The following DDX50 variants were observed in gnomAD, a reference collection of about 807,000 sequenced individuals.
DDX50 encodes DExD-box helicase 50.
In DDX50, 56 loss-of-function variants were observed where a neutral mutation model predicts 94.8. That is an observed-to-expected ratio of 0.59 (90% CI 0.48 to 0.74). The LOEUF (loss-of-function observed/expected upper bound fraction) is 0.74, where lower values mean the gene tolerates loss of function less well. Ranked by LOEUF, DDX50 falls within the 30% of genes least tolerant of loss-of-function variation. The pLI, the probability that DDX50 is intolerant of heterozygous loss-of-function variation, is 0.00. For synonymous variants in DDX50, 264 were observed against 295.4 expected, an observed-to-expected ratio of 0.89 and a Z score of 1.09; for missense variants, 713 against 881.2, an observed-to-expected ratio of 0.81 and a Z score of 2.42.
At position 68,918,428 on chromosome 10, in the gene DDX50, CTTTTTTTT is replaced by C. The variant is rs34777951; in HGVS notation, c.1090-1386_1090-1379del. Among the ~76,000 whole-genome samples the C allele has an allele frequency of 8.8e-5, 5 of 57,092 alleles. No homozygotes were observed. In the East Asian group the frequency reaches 1.7e-3, roughly 20 times the overall value. The allele number at this position is 57,092 out of a possible 152,430, so 37.5% of individuals were successfully genotyped here. On this transcript the variant is annotated intron_variant, in intron 7 of 14. Coordinates refer to ENST00000373585, the MANE Select transcript of DDX50 (RefSeq NM_024045.2). ...TTAAACAGTTACTCTCCATTCCCTC[CTTTTTTTT>C]TTTTTTTTTTTTTTTTTGAGACAGA...
intron 1 of DDX50, among the ~76,000 whole-genome samples, chr10:68,902,190 C>A (rs1418707852): frequency 5.3e-4 from 50 of 94,268 alleles, no homozygotes; most frequent in South Asian, 1.7e-3. Flanking sequence ...CCCTGCCCTC[C>A]AAAAAAAAAA....
chr10:68,901,564 G>A, intron 1 of DDX50, 93 bp downstream of exon 1: 2 of 1,345,456 alleles, frequency 1.5e-6, no homozygotes, highest in Non-Finnish European at 2.0e-6. Context: ...TGTCAGAACC[G>A]GGCCGGAGCA....
intron 4 of DDX50, among the ~76,000 whole-genome samples, chr10:68,912,319 C>T (rs929483209): frequency 1.3e-5 from 2 of 152,074 alleles, no homozygotes; most frequent in African/African-American, 4.8e-5. Context: ...TCAAGCAATT[C>T]TCTCTTCCTC....
Position 68,941,115 on chromosome 10 carries a change from C to G in DDX50, c.1811C>G (p.Ala604Gly). ...GAGGAAATACAGGATGTCAGCTGTG[C>G]TTGGAAAGAACTTAACAGAAAGCTG... ...SLEEIQDVSC[A>G]WKELNRKLSS... Residue 604 changes from alanine to glycine, a missense_variant, in exon 13 of 15, where the codon GCT (alanine) becomes GGT (glycine). Around this residue, in one of 2 missense-constraint regions of DDX50, gnomAD observed 428 missense variants for 602.3 expected, o/e 0.71. Coordinates refer to ENST00000373585, the MANE Select transcript of DDX50 (RefSeq NM_024045.2). 6.2e-7 allele frequency: 1 copy of G among 1,612,754 alleles called. No individual in the cohort carries two copies. The highest frequency in any genetic ancestry group is 1.1e-5 in the South Asian group (1 of 90,962).
At chr10:68,931,413 A>G (rs182308092) in intron 8 of DDX50, among the ~76,000 whole-genome samples, 5,928 of 85,354 alleles carry the variant, frequency 0.069, 673 homozygotes, top group African/African-American at 0.24. Context: ...ATATATATGT[A>G]TATATATATA....
intron 1 of DDX50, among the ~76,000 whole-genome samples, chr10:68,902,844 T>G (rs1221777028): frequency 6.6e-6 from 1 of 152,264 alleles, no homozygotes; most frequent in Non-Finnish European, 1.5e-5. Flanking sequence ...TCAGTGGCTA[T>G]CTTCATCATT....
intron 4 of DDX50, 67 bp from the exon 5 acceptor site, chr10:68,913,095 C>T: frequency 7.5e-7 from 1 of 1,331,954 alleles, no homozygotes; most frequent in Non-Finnish European, 1.0e-6. Context: ...TAAAAAAAGT[C>T]TTCTTGGTTT....
chr10:68,946,674 C>A lies in DDX50; in HGVS notation c.*44C>A. On this transcript the variant is annotated 3_prime_UTR_variant, in exon 15 of 15. Coordinates refer to ENST00000373585, the MANE Select transcript of DDX50 (RefSeq NM_024045.2). ...ACCAGTGTGAGCTTGCCTATTTCTG[C>A]CTAATCATGTACATTATCCACCAAA... is the stretch of plus-strand genomic sequence containing the variant. The A allele has an allele frequency of 1.9e-6, 3 of 1,581,690 alleles. No individual in the cohort carries two copies. Among genetic ancestry groups the A allele is most frequent in the Admixed American group, 1.7e-5 (1 of 58,380 alleles).
chr10:68,919,756 T>C lies in DDX50; in HGVS notation c.1090-76T>C, dbSNP rs117029940. 6,381 of 1,558,112 alleles carry C rather than the reference T, an allele frequency of 4.1e-3. 210 individuals are homozygous for C. The Admixed American group carries it at 0.081, about 20-fold the overall frequency. On this transcript the variant is annotated intron_variant, in intron 7 of 14. Coordinates refer to ENST00000373585, the MANE Select transcript of DDX50 (RefSeq NM_024045.2). ...CCAGGAAGGCTAATTCTTGACCAGA[T>C]AGAAAAAATACACAAGAGAAATATT...
rs777868279 is a variant in DDX50, at chr10:68,946,529, A to G, written c.2113A>G (p.Ser705Gly). The G allele has an allele frequency of 3.7e-6, 6 of 1,614,236 alleles. No individual in the cohort carries two copies. Among genetic ancestry groups the G allele is most frequent in the Non-Finnish European group, 5.1e-6 (6 of 1,180,040 alleles). ...GRSGGRSGRQ[S>G]RQGSRSGSRQ... is the part of the protein sequence containing the mutation. ...ATCTGGCGGCCGGTCAGGTAGACAG[A>G]GTCGACAAGGAAGTCGCTCAGGAAG... The change falls in exon 15 of 15, where the codon AGT (serine) becomes GGT (glycine). Residue 705 changes from serine (S) to glycine (G), a missense_variant. Ser to Gly is a moderately conservative substitution (Grantham distance 56, BLOSUM62 0). This residue lies in a region of DDX50 where 428 missense variants were observed against 602.3 expected (regional missense o/e 0.71). Coordinates refer to ENST00000373585, the MANE Select transcript of DDX50 (RefSeq NM_024045.2).
chr10:68,937,647 G>A (rs1050895586), intron 12 of DDX50, among the ~76,000 whole-genome samples: 237 of 138,334 alleles, frequency 1.7e-3, no homozygotes, highest in Admixed American at 4.7e-3. Flanking sequence ...GTGCAATTAC[G>A]TGATCTTGGT....
At chr10:68,938,339 A>C (rs1440957630) in intron 12 of DDX50, among the ~76,000 whole-genome samples, 2 of 152,208 alleles carry the variant, frequency 1.3e-5, no homozygotes, top group Non-Finnish European at 2.9e-5. Flanking sequence ...GATTCGTATC[A>C]CATGTCAAAA....
intron 1 of DDX50, among the ~76,000 whole-genome samples, chr10:68,906,492 A>G (rs1314359111): frequency 6.6e-6 from 1 of 151,730 alleles, no homozygotes; most frequent in African/African-American, 2.4e-5. Flanking sequence ...GAGAGGGGCT[A>G]GAGGCTGAGT....
intron 8 of DDX50, among the ~76,000 whole-genome samples, chr10:68,927,693 AT>A (rs1176811319): frequency 3.9e-5 from 6 of 152,232 alleles, no homozygotes; most frequent in African/African-American, 1.4e-4. Flanking sequence ...GCCCATGCCT[AT>A]TAGCCCAGCA....
chr10:68,934,459 C>T lies in DDX50; in HGVS notation c.1401+99C>T. The T allele has an allele frequency of 6.6e-7, 1 of 1,506,178 alleles. No individual in the cohort carries two copies. Among genetic ancestry groups the T allele is most frequent in the African/African-American group, 1.4e-5 (1 of 71,294 alleles). The allele number at this position is 1,506,178 out of a possible 1,614,324, so 93.3% of individuals were successfully genotyped here. ...TTGGGATGTGAAAAATATGTCATCT[C>T]TTCTTGCTCTTAGCCATTTTTTGTT... On this transcript the variant is annotated intron_variant, in intron 9 of 14. Coordinates refer to ENST00000373585, the MANE Select transcript of DDX50 (RefSeq NM_024045.2). The surrounding 1 kb of genome is among the most constrained non-coding windows in gnomAD (Gnocchi z 4.0).
intron 8 of DDX50, among the ~76,000 whole-genome samples, chr10:68,933,325 C>T (rs1446499459): frequency 1.3e-5 from 2 of 152,112 alleles, no homozygotes; most frequent in African/African-American, 4.8e-5. Context: ...CTGTCTCGGC[C>T]TCCCAGAGTG....
At chr10:68,945,868 T>C (rs1842658471) in intron 14 of DDX50, among the ~76,000 whole-genome samples, 2 of 152,168 alleles carry the variant, frequency 1.3e-5, no homozygotes, top group Admixed American at 1.3e-4. Context: ...CCTGTCTGCT[T>C]TGTGCTGAGA....
chr10:68,915,713 TCA>T (rs1841767422), intron 7 of DDX50, among the ~76,000 whole-genome samples: 1 of 134,450 alleles, frequency 7.4e-6, no homozygotes, highest in Admixed American at 7.8e-5. Context: ...AGACAACATC[TCA>T]AAAAAAAAAA....
chr10:68,910,386 T>C lies in DDX50; in HGVS notation c.460+4T>C, dbSNP rs373829270. ...GAGACTATAAAGCTTCTGAAAGGTA[T>C]GCAGTTTGGTTGTTGTTGTTATTGT... On this transcript the variant is annotated splice_donor_region_variant and intron_variant, in intron 3 of 14. Coordinates refer to ENST00000373585, the MANE Select transcript of DDX50 (RefSeq NM_024045.2). 1.4e-5 allele frequency: 22 copies of C among 1,593,022 alleles called. No individual in the cohort carries two copies. In the African/African-American group the frequency reaches 2.2e-4, roughly 16 times the overall value.
Sources: gnomAD v4.1 joint callset for allele counts (sites outside exome capture counted in the v4.1 genomes callset) on GRCh38, gnomAD v4.1.1 for gene constraint, gnomAD v4.1.1 regional missense constraint, Gnocchi (gnomAD v3.1) non-coding constraint, MANE v1.5 for transcripts, NCBI Gene and HGNC (gene_info 2026-07-23, HGNC 2026-07-21) for gene names.